The following KCNB2 variants were observed in gnomAD, a reference collection of about 807,000 sequenced individuals.
KCNB2 encodes the protein delayed rectifier potassium channel protein.
Under a neutral mutation model 61.5 loss-of-function variants are expected in KCNB2, and 15 were observed. That is an observed-to-expected ratio of 0.24 (90% CI 0.16 to 0.38). The LOEUF (loss-of-function observed/expected upper bound fraction) is 0.38, where lower values mean the gene tolerates loss of function less well. Among genes scored for constraint, KCNB2 ranks in the 10% least tolerant of loss-of-function variants. KCNB2 has a pLI of 1.00. For missense variants in KCNB2, 828 were observed against 1,125.2 expected (o/e 0.74, Z 3.78); for synonymous variants, 457 against 446.0 (o/e 1.02, Z -0.31).
At chr8:72,805,092 G>A (rs1809196637) in intron 2 of KCNB2, among the ~76,000 whole-genome samples, 2 of 152,156 alleles carry the variant, frequency 1.3e-5, no homozygotes, top group South Asian at 2.1e-4. Flanking sequence ...GAAAAATGGA[G>A]AGCCTCACCT....
At chr8:72,818,968 C>T (rs1032395838) in intron 2 of KCNB2, among the ~76,000 whole-genome samples, 1 of 152,114 alleles carries the variant, frequency 6.6e-6, no homozygotes, top group African/African-American at 2.4e-5. Flanking sequence ...ACCATTCTTT[C>T]GTGTCTCAGA....
chr8:72,559,496 A>G (rs1806479770), intron 1 of KCNB2, among the ~76,000 whole-genome samples: 1 of 152,130 alleles, frequency 6.6e-6, no homozygotes. Context: ...CATCTTCTAC[A>G]AGAGATGGCC....
At chr8:72,873,942 G>A (rs914687183) in intron 2 of KCNB2, among the ~76,000 whole-genome samples, 9 of 152,248 alleles carry the variant, frequency 5.9e-5, no homozygotes, top group Admixed American at 1.3e-4. Flanking sequence ...GAAATAGCAT[G>A]TCCTGAAACT....
At chr8:72,559,495 C>A (rs1486762688) in intron 1 of KCNB2, among the ~76,000 whole-genome samples, 4 of 152,126 alleles carry the variant, frequency 2.6e-5, no homozygotes, top group Non-Finnish European at 5.9e-5. Context: ...GCATCTTCTA[C>A]AAGAGATGGC....
intron 2 of KCNB2, among the ~76,000 whole-genome samples, chr8:72,899,250 AT>A (rs1481683901): frequency 1.3e-5 from 2 of 152,168 alleles, no homozygotes; most frequent in African/African-American, 4.8e-5. Context: ...CTTCAAAATA[AT>A]AAGAGCCATC....
At chr8:72,929,129 C>G (rs1022486432) in intron 2 of KCNB2, among the ~76,000 whole-genome samples, 1 of 152,152 alleles carries the variant, frequency 6.6e-6, no homozygotes, top group Non-Finnish European at 1.5e-5. Flanking sequence ...GATGAGAGAA[C>G]TGAAGCTCAC....
intron 2 of KCNB2, among the ~76,000 whole-genome samples, chr8:72,627,276 CT>C (rs1805804927): frequency 6.6e-6 from 1 of 152,138 alleles, no homozygotes; most frequent in Non-Finnish European, 1.5e-5. Context: ...AAGGAGGTCA[CT>C]AGGAGTGAAG....
chr8:72,614,569 G>C (rs868003368), intron 2 of KCNB2, among the ~76,000 whole-genome samples: 3 of 152,190 alleles, frequency 2.0e-5, no homozygotes, highest in African/African-American at 7.2e-5. Flanking sequence ...GTCTCTGACT[G>C]TTGTTGTTAG....
intron 2 of KCNB2, among the ~76,000 whole-genome samples, chr8:72,599,727 A>G (rs1807260471): frequency 6.6e-6 from 1 of 152,202 alleles, no homozygotes; most frequent in African/African-American, 2.4e-5. Context: ...CAGAATCTAC[A>G]AAGAACTCAA....
chr8:72,682,100 T>C (rs1806766847), intron 2 of KCNB2, among the ~76,000 whole-genome samples: 1 of 152,236 alleles, frequency 6.6e-6, no homozygotes, highest in African/African-American at 2.4e-5. Context: ...TGAGATAGCA[T>C]GTTACTATTA....
intron 2 of KCNB2, among the ~76,000 whole-genome samples, chr8:72,613,450 C>G (rs138930653): frequency 6.6e-6 from 1 of 152,140 alleles, no homozygotes; most frequent in Non-Finnish European, 1.5e-5. Flanking sequence ...ATTTGTCTTA[C>G]GCACCTAGAC....
intron 2 of KCNB2, among the ~76,000 whole-genome samples, chr8:72,792,531 C>T (rs1808962357): frequency 6.6e-6 from 1 of 152,174 alleles, no homozygotes; most frequent in African/African-American, 2.4e-5. Flanking sequence ...ATTGTATTGA[C>T]CGTCAGTGGC....
intron 2 of KCNB2, among the ~76,000 whole-genome samples, chr8:72,610,871 G>A (rs1336310928): frequency 6.6e-6 from 1 of 152,130 alleles, no homozygotes; most frequent in East Asian, 1.9e-4. Context: ...CACTGAAGGG[G>A]TAACAGAAAG....
chr8:72,870,233 G>A (rs962469248), intron 2 of KCNB2, among the ~76,000 whole-genome samples: 4 of 152,150 alleles, frequency 2.6e-5, no homozygotes, highest in African/African-American at 9.7e-5. Context: ...TAAAGTTTCA[G>A]TTACATAAGA....
At position 72,626,377 on chromosome 8, in the gene KCNB2, G is replaced by T. The variant is rs1347310916; in HGVS notation, c.579+58064G>T. Among the ~76,000 whole-genome samples the T allele has an allele frequency of 5.3e-5, 8 of 152,148 alleles. No homozygotes were observed. In the East Asian group the frequency reaches 1.3e-3, roughly 26 times the overall value. ...CCACATTCTATAGAATAGACTTAAA[G>T]GTTTTCTTGAAATTAATATGTAATC... On this transcript the variant is annotated intron_variant, in intron 2 of 2. Transcript: ENST00000523207.
chr8:72,728,732 AAG>A (rs1807691752), intron 2 of KCNB2, among the ~76,000 whole-genome samples: 1 of 152,280 alleles, frequency 6.6e-6, no homozygotes, highest in East Asian at 1.9e-4. Context: ...AATACAAGAG[AAG>A]TTACTGAAAA....
At chr8:72,809,437 C>T (rs1243990706) in intron 2 of KCNB2, among the ~76,000 whole-genome samples, 2 of 152,094 alleles carry the variant, frequency 1.3e-5, no homozygotes, top group Non-Finnish European at 2.9e-5. Context: ...CAATGTTGAA[C>T]TTGGAGTAGT....
At chr8:72,776,305 A>T (rs1414331014) in intron 2 of KCNB2, among the ~76,000 whole-genome samples, 1 of 152,012 alleles carries the variant, frequency 6.6e-6, no homozygotes, top group African/African-American at 2.4e-5. Context: ...AGTGTAAATG[A>T]TGAGTTAATG....
intron 2 of KCNB2, among the ~76,000 whole-genome samples, chr8:72,832,113 T>C (rs144277104): frequency 0.011 from 1,719 of 152,302 alleles, 37 homozygotes; most frequent in African/African-American, 0.039. Flanking sequence ...GGAAACATAT[T>C]TTTACAGGAA....
Sources: allele counts gnomAD v4.1 joint callset (sites outside exome capture counted in the v4.1 genomes callset), GRCh38; gene constraint gnomAD v4.1.1; transcripts MANE v1.5; gene names NCBI Gene and HGNC (gene_info 2026-07-23, HGNC 2026-07-21).